Variants in KCNK3 observed in about 807,000 individuals in gnomAD.
The protein encoded by KCNK3 is potassium channel subfamily K member 3.
A neutral mutation model predicts 27.3 loss-of-function variants in KCNK3; 9 were observed. That is an observed-to-expected ratio of 0.33 (90% CI 0.20 to 0.57). The LOEUF (loss-of-function observed/expected upper bound fraction) is 0.57. KCNK3 is among the 20% of genes least tolerant of loss of function. The probability of loss-of-function intolerance (pLI) is 0.87; values close to 1 mark genes in which losing one functional copy is unlikely to be tolerated. For synonymous variants in KCNK3, 278 were observed against 273.8 expected, an observed-to-expected ratio of 1.02 and a Z score of -0.15; for missense variants, 391 against 577.7, an observed-to-expected ratio of 0.68 and a Z score of 3.31.
chr2:26,703,926 A>G (rs1270143602), intron 1 of KCNK3, among the ~76,000 whole-genome samples: 1 of 152,174 alleles, frequency 6.6e-6, no homozygotes, highest in Non-Finnish European at 1.5e-5. Context: ...TCGTGAGCAG[A>G]TCCTGGAGGG....
intron 1 of KCNK3, among the ~76,000 whole-genome samples, chr2:26,712,609 G>A (rs897447186): frequency 1.6e-4 from 24 of 151,944 alleles, no homozygotes; most frequent in African/African-American, 2.2e-4. Context: ...ATAACCTATC[G>A]GGATGGTGGG....
Position 26,728,402 on chromosome 2 carries a change from T to C in KCNK3, c.1019T>C (p.Val340Ala). The C allele has an allele frequency of 6.2e-7, 1 of 1,605,548 alleles. No individual in the cohort carries two copies. The highest frequency in any genetic ancestry group is 8.5e-7 in the Non-Finnish European group (1 of 1,175,860). Reference protein sequence around the residue: ...PRDLSTSDTCVEQSHSSPGGG... With the variant: ...PRDLSTSDTCAEQSHSSPGGG... ...GACCTCTCCACGTCCGACACGTGCG[T>C]GGAGCAGAGCCACTCGTCGCCGGGA... The change falls in exon 2 of 2, where the codon GTG becomes GCG. Residue 340 changes from valine to alanine, a missense_variant. By Grantham distance (64) the Val-to-Ala change is moderately conservative. This residue lies in a region of KCNK3 where 192 missense variants were observed against 196.0 expected (regional missense o/e 0.98). Transcript: ENST00000302909.
rs1395052843 is a variant in KCNK3 at position 26,733,089 on chromosome 2, A to C, written c.*4521A>C. 6.6e-6 allele frequency: 1 copy of C among 152,278 alleles called. No homozygotes were observed. The highest frequency in any genetic ancestry group is 2.4e-5 in the African/African-American group (1 of 41,432). 9.4% of individuals were successfully genotyped at this position (152,278 alleles called of 1,614,324 possible). A position where few individuals can be genotyped will look rare whatever the true frequency, so the allele number is the denominator to read the frequency against. Reference sequence around the variant, plus strand: ...CCCACCCCCCTCATTTCCACACAGCATCTGAGGCATCCTGCACTAAAAGAT... The same window carrying C: ...CCCACCCCCCTCATTTCCACACAGCCTCTGAGGCATCCTGCACTAAAAGAT... On this transcript the variant is annotated 3_prime_UTR_variant, in exon 2 of 2. Transcript: ENST00000302909.
rs1572616675 is a variant in KCNK3 at position 26,728,286 on chromosome 2, G to A, written c.903G>A (p.Ala301=). The A allele has an allele frequency of 1.9e-6, 3 of 1,596,896 alleles. No individual in the cohort carries two copies. Among genetic ancestry groups the A allele is most frequent in the Non-Finnish European group, 2.6e-6 (3 of 1,172,034 alleles). Residue 301 remains alanine, a synonymous_variant, in exon 2 of 2, where the codon GCG becomes GCA. Transcript: ENST00000302909. ...GCGGCGGCTTCCGCAACGTCTACGC[G>A]GAGGTGCTGCACTTCCAGTCCATGT... ...AGGGGFRNVY[A]EVLHFQSMCS... is the part of the protein sequence containing the mutation.
chr2:26,716,226 C>G (rs1192026964), intron 1 of KCNK3, among the ~76,000 whole-genome samples: 2 of 152,220 alleles, frequency 1.3e-5, no homozygotes, highest in Non-Finnish European at 2.9e-5. Context: ...AACACTGTCT[C>G]TCTCTCTGAG....
At chr2:26,713,636 G>A (rs1663167304) in intron 1 of KCNK3, among the ~76,000 whole-genome samples, 1 of 151,730 alleles carries the variant, frequency 6.6e-6, no homozygotes, top group Admixed American at 6.6e-5. Flanking sequence ...CAAAAAATTT[G>A]CTGGGTGTGT....
rs148678797 is a variant in KCNK3 at position 26,700,784 on chromosome 2, C to T, written c.283+7626C>T. 7.9e-5 allele frequency among the ~76,000 whole-genome samples: 12 copies of T among 152,046 alleles called. No homozygotes were observed. The South Asian group carries it at 2.5e-3, about 32-fold the overall frequency. On this transcript the variant is annotated intron_variant, in intron 1 of 1. Coordinates refer to ENST00000302909, the MANE Select transcript of KCNK3 (RefSeq NM_002246.3). ...ATCATCACCATCATCATCATCATAT[C>T]TCTCTCTCTGTCTCTCTCTCTCTCA...
intron 1 of KCNK3, among the ~76,000 whole-genome samples, chr2:26,706,394 TCAAA>T (rs944440430): frequency 2.0e-5 from 3 of 152,046 alleles, no homozygotes; most frequent in Non-Finnish European, 4.4e-5. Context: ...CTGCCTGCTC[TCAAA>T]CAACCCCAGG....
intron 1 of KCNK3, among the ~76,000 whole-genome samples, chr2:26,727,434 G>T (rs1290095264): frequency 6.6e-6 from 1 of 152,206 alleles, no homozygotes; most frequent in Non-Finnish European, 1.5e-5. Context: ...GACCTTGGAA[G>T]TCATCCCTCC....
chr2:26,704,563 C>T (rs1572604376), intron 1 of KCNK3, among the ~76,000 whole-genome samples: 1 of 152,202 alleles, frequency 6.6e-6, no homozygotes, highest in African/African-American at 2.4e-5. Context: ...AGCCATAGGA[C>T]CATCCGGGGC....
rs771321102 is a variant in KCNK3, at chr2:26,733,189, G to T, written c.*4621G>T. ...GGGGTATAAATATACCCAGATCCCC[G>T]CTGATTTGGTTACTCGGGGTGAGCA... On this transcript the variant is annotated 3_prime_UTR_variant, in exon 2 of 2. Coordinates refer to ENST00000302909, the MANE Select transcript of KCNK3 (RefSeq NM_002246.3). The T allele has an allele frequency of 6.6e-6, 1 of 152,180 alleles. No homozygotes were observed. Among genetic ancestry groups the T allele is most frequent in the African/African-American group, 2.4e-5 (1 of 41,444 alleles). The allele number at this position is 152,180 out of a possible 1,614,324, so 9.4% of individuals were successfully genotyped here. A position where few individuals can be genotyped will look rare whatever the true frequency, so the allele number is the denominator to read the frequency against.
chr2:26,696,504 T>C (rs1670237078), intron 1 of KCNK3, among the ~76,000 whole-genome samples: 1 of 152,210 alleles, frequency 6.6e-6, no homozygotes, highest in South Asian at 2.1e-4. Flanking sequence ...TGGGCAGCCC[T>C]GATTGGTTGG....
At chr2:26,704,764 C>G (rs565174269) in intron 1 of KCNK3, among the ~76,000 whole-genome samples, 4 of 152,250 alleles carry the variant, frequency 2.6e-5, no homozygotes, top group Admixed American at 6.5e-5. Flanking sequence ...CTCCGATCAA[C>G]GCAACAGATG....
rs528810608 is a variant in KCNK3 at position 26,699,173 on chromosome 2, G to A, written c.283+6015G>A. Reference sequence around the variant, plus strand: ...AGCCTGGGCAACACAGCAAGACTCCGTCTCAGAAAAAAAAAAAAAAGGAAG... The same window carrying A: ...AGCCTGGGCAACACAGCAAGACTCCATCTCAGAAAAAAAAAAAAAAGGAAG... On this transcript the variant is annotated intron_variant, in intron 1 of 1. Coordinates refer to ENST00000302909, the MANE Select transcript of KCNK3 (RefSeq NM_002246.3). Among the ~76,000 whole-genome samples the A allele has an allele frequency of 1.1e-4, 13 of 121,120 alleles. No homozygotes were observed. In the East Asian group the frequency reaches 1.8e-3, roughly 17 times the overall value. 79.5% of individuals were successfully genotyped at this position (121,120 alleles called of 152,430 possible).
intron 1 of KCNK3, among the ~76,000 whole-genome samples, chr2:26,710,840 C>T (rs577412994): frequency 1.3e-5 from 2 of 152,326 alleles, no homozygotes; most frequent in East Asian, 3.9e-4. Flanking sequence ...CAGCCGCTCT[C>T]CCGAAAGCCT....
intron 1 of KCNK3, among the ~76,000 whole-genome samples, chr2:26,716,372 T>A (rs908004043): frequency 1.3e-5 from 2 of 152,188 alleles, no homozygotes; most frequent in Admixed American, 1.3e-4. Flanking sequence ...CAAGGGATTA[T>A]TATTCTAGAA....
intron 1 of KCNK3, among the ~76,000 whole-genome samples, chr2:26,710,892 G>T (rs953106848): frequency 6.6e-6 from 1 of 152,210 alleles, no homozygotes; most frequent in Non-Finnish European, 1.5e-5. Flanking sequence ...ACATATCCCC[G>T]GGGTTATTTT....
At chr2:26,701,119 CA>C (rs1467106067) in intron 1 of KCNK3, among the ~76,000 whole-genome samples, 1 of 152,190 alleles carries the variant, frequency 6.6e-6, no homozygotes, top group African/African-American at 2.4e-5. Context: ...TTTTGAGTAG[CA>C]AGGCTCTAAA....
At chr2:26,697,635 C>A (rs1414904495) in intron 1 of KCNK3, among the ~76,000 whole-genome samples, 2 of 152,134 alleles carry the variant, frequency 1.3e-5, no homozygotes, top group African/African-American at 4.8e-5. Flanking sequence ...GCCCAGCACC[C>A]GCCATGGGCA....
Sources: gnomAD v4.1 joint callset for allele counts (sites outside exome capture counted in the v4.1 genomes callset) on GRCh38, gnomAD v4.1.1 for gene constraint, gnomAD v4.1.1 regional missense constraint, MANE v1.5 for transcripts, NCBI Gene and HGNC (gene_info 2026-07-23, HGNC 2026-07-21) for gene names.